TCEA1: variants seen among roughly 807,000 people sequenced by gnomAD.
TCEA1 encodes transcription elongation factor A1.
A neutral mutation model predicts 43.8 loss-of-function variants in TCEA1; 21 were observed. That is an observed-to-expected ratio of 0.48 (90% CI 0.34 to 0.69). TCEA1 has a LOEUF of 0.69. Among genes scored for constraint, TCEA1 ranks in the 30% least tolerant of loss-of-function variants. The pLI, the probability that TCEA1 is intolerant of heterozygous loss-of-function variation, is 0.01. For missense variants in TCEA1, 250 were observed against 365.1 expected, an observed-to-expected ratio of 0.68 and a Z score of 2.57; for synonymous variants, 104 against 117.5, an observed-to-expected ratio of 0.88 and a Z score of 0.75.
At chr8:53,994,728 G>A (rs540641865) in intron 3 of TCEA1, among the ~76,000 whole-genome samples, 47 of 151,832 alleles carry the variant, frequency 3.1e-4, no homozygotes, top group Non-Finnish European at 2.9e-4. Flanking sequence ...AAAATTAGCC[G>A]GGCGTGGTGA....
At chr8:54,005,606 C>T (rs925143730) in intron 2 of TCEA1, among the ~76,000 whole-genome samples, 1 of 145,216 alleles carries the variant, frequency 6.9e-6, no homozygotes, top group Non-Finnish European at 1.6e-5. Context: ...GCAAAAATCT[C>T]AGTCATCCTA....
chr8:54,016,460 A>C (rs1804830876), intron 1 of TCEA1, among the ~76,000 whole-genome samples: 1 of 151,876 alleles, frequency 6.6e-6, no homozygotes, highest in Non-Finnish European at 1.5e-5. Flanking sequence ...AGAGCGAGAC[A>C]CTTGTACAGC....
chr8:54,014,348 C>T (rs1261125453), intron 1 of TCEA1, among the ~76,000 whole-genome samples: 1 of 152,120 alleles, frequency 6.6e-6, no homozygotes. Context: ...AATGGCTCAG[C>T]CTGTAATCCC....
At chr8:54,016,202 C>A (rs1024301302) in intron 1 of TCEA1, among the ~76,000 whole-genome samples, 1 of 152,178 alleles carries the variant, frequency 6.6e-6, no homozygotes, top group African/African-American at 2.4e-5. Flanking sequence ...TGTCGCCAGG[C>A]GCGGTGGCTC....
At chr8:53,976,440 G>C (rs752215265) in intron 8 of TCEA1, among the ~76,000 whole-genome samples, 12 of 152,086 alleles carry the variant, frequency 7.9e-5, no homozygotes, top group Admixed American at 5.2e-4. Context: ...ATCTCCTCTT[G>C]GGTACGTAGT....
intron 6 of TCEA1, among the ~76,000 whole-genome samples, chr8:53,985,073 G>C (rs1803646033): frequency 6.6e-6 from 1 of 152,042 alleles, no homozygotes; most frequent in Non-Finnish European, 1.5e-5. Context: ...TGTCACCCAG[G>C]CTGGACCTCA....
At chr8:53,996,936 G>A (rs1027734486) in intron 3 of TCEA1, among the ~76,000 whole-genome samples, 6 of 116,292 alleles carry the variant, frequency 5.2e-5, no homozygotes, top group African/African-American at 2.3e-4. Context: ...CTCTCACTCT[G>A]TTGCCCAGGC....
intron 9 of TCEA1, among the ~76,000 whole-genome samples, chr8:53,969,198 G>A (rs1297786816): frequency 1.3e-5 from 2 of 152,144 alleles, no homozygotes; most frequent in Non-Finnish European, 2.9e-5. Flanking sequence ...GCTGAGGCAG[G>A]AGAATCGCTT....
chr8:53,972,316 A>G (rs912303782), intron 8 of TCEA1: 1 of 456,558 alleles, frequency 2.2e-6, no homozygotes, highest in African/African-American at 2.0e-5. Context: ...GAAGAGGAGG[A>G]TGAAGAGAAT....
At chr8:54,021,600 A>C (rs888627218) in intron 1 of TCEA1, 1 of 153,466 alleles carries the variant, frequency 6.5e-6, no homozygotes, top group Admixed American at 6.5e-5. Flanking sequence ...CAAAAATAAG[A>C]CACAGAAGTT....
chr8:53,976,386 C>T (rs927189449), intron 8 of TCEA1, among the ~76,000 whole-genome samples: 2 of 152,134 alleles, frequency 1.3e-5, no homozygotes, highest in African/African-American at 2.4e-5. Flanking sequence ...TATCCAGGGC[C>T]CCAAAAGTGG....
intron 3 of TCEA1, among the ~76,000 whole-genome samples, chr8:53,998,372 CTTA>C (rs530201820): frequency 1.1e-3 from 166 of 152,088 alleles, no homozygotes; most frequent in Non-Finnish European, 1.6e-3. Flanking sequence ...CTGTGAGTCA[CTTA>C]TTATGTCAAA....
At chr8:53,992,683 T>C (rs1189299642) in intron 4 of TCEA1, among the ~76,000 whole-genome samples, 1 of 152,188 alleles carries the variant, frequency 6.6e-6, no homozygotes, top group Non-Finnish European at 1.5e-5. Flanking sequence ...TGAGAATCTG[T>C]ATTTCTAACA....
chr8:53,999,207 AG>A (rs1416345448), intron 3 of TCEA1, among the ~76,000 whole-genome samples: 4 of 144,286 alleles, frequency 2.8e-5, no homozygotes, highest in Non-Finnish European at 6.0e-5. Context: ...CCTGGGCAAC[AG>A]AGTGAGACTC....
At position 54,010,414 on chromosome 8, in the gene TCEA1, G is replaced by T; in HGVS notation, c.126+16C>A. 1 of 1,582,946 alleles carries T rather than the reference G, an allele frequency of 6.3e-7. No homozygotes were observed. The highest frequency in any genetic ancestry group is 8.6e-7 in the Non-Finnish European group (1 of 1,167,472). On this transcript the variant is annotated intron_variant, in intron 2 of 9. Coordinates refer to ENST00000521604, the MANE Select transcript of TCEA1 (RefSeq NM_006756.4). ...GACTACCTATTAAAAAAACTTTGAT[G>T]CATAAAAGCACATACCTGCAGTAAT... is the stretch of plus-strand genomic sequence containing the variant.
At chr8:54,007,424 T>C (rs1346664585) in intron 2 of TCEA1, among the ~76,000 whole-genome samples, 4 of 152,128 alleles carry the variant, frequency 2.6e-5, no homozygotes, top group Non-Finnish European at 5.9e-5. Context: ...CAAGCAATCC[T>C]CTAGCCTCGA....
intron 1 of TCEA1, 133 bp downstream of exon 1, chr8:54,021,930 G>A: frequency 1.2e-6 from 1 of 856,340 alleles, no homozygotes; most frequent in Non-Finnish European, 1.6e-6. Flanking sequence ...CCCCGGGGAC[G>A]CGGGCGCGGC....
In TCEA1 at chr8:53,977,580, G is replaced by A. The variant is rs137927304; in HGVS notation, c.825+1445C>T. On this transcript the variant is annotated intron_variant, in intron 8 of 9. Transcript: ENST00000521604. ...TTTTTAAGTGCTTAATGTTCTATCG[G>A]TGAAAAAATCAATTCCCCAAATCTA... Among the ~76,000 whole-genome samples, 552 of 152,166 alleles carry A rather than the reference G, an allele frequency of 3.6e-3. 1 individual carries two copies. Among genetic ancestry groups the A allele is most frequent in the Middle Eastern group, 0.01 (3 of 294 alleles).
chr8:53,999,222 C>G (rs1343922001), intron 3 of TCEA1, among the ~76,000 whole-genome samples: 21 of 86,696 alleles, frequency 2.4e-4, no homozygotes, highest in South Asian at 2.3e-3. Context: ...GAGACTCAGT[C>G]TCAAAAAAAA....
Sources: gnomAD v4.1 joint callset for allele counts (sites outside exome capture counted in the v4.1 genomes callset) on GRCh38, gnomAD v4.1.1 for gene constraint, MANE v1.5 for transcripts, NCBI Gene and HGNC (gene_info 2026-07-23, HGNC 2026-07-21) for gene names.